Variants in BMP7 observed in about 807,000 individuals in gnomAD.
BMP7 encodes the protein bone morphogenetic protein 7.
Under a neutral mutation model 41.2 loss-of-function variants are expected in BMP7, and 12 were observed. The observed-to-expected ratio is 0.29, with a 90% confidence interval of 0.19 to 0.47. The LOEUF (loss-of-function observed/expected upper bound fraction) is 0.47, where lower values mean the gene tolerates loss of function less well. Among genes scored for constraint, BMP7 ranks in the 20% least tolerant of loss-of-function variants. The probability of loss-of-function intolerance (pLI) is 0.99; values close to 1 mark genes in which losing one functional copy is unlikely to be tolerated. For missense variants in BMP7, 467 were observed against 606.0 expected (o/e 0.77, Z 2.41); for synonymous variants, 248 against 250.0 (o/e 0.99, Z 0.07).
chr20:57,234,979 C>A (rs905821768), intron 1 of BMP7, among the ~76,000 whole-genome samples: 2 of 152,266 alleles, frequency 1.3e-5, no homozygotes, highest in Non-Finnish European at 1.5e-5. Context: ...TAGGGCAGGA[C>A]ACAAAACATT....
intron 1 of BMP7, among the ~76,000 whole-genome samples, chr20:57,253,536 TC>T (rs1379087167): frequency 1.3e-5 from 2 of 152,122 alleles, no homozygotes; most frequent in African/African-American, 4.8e-5. Flanking sequence ...ACTTGCTGAG[TC>T]CCTGTCGTGT....
Position 57,215,830 on chromosome 20 carries a change from A to C in BMP7, c.611+12399T>G, listed in dbSNP as rs436994. The C allele has an allele frequency of 0.98, 148,416 of 152,066 alleles. 72,437 individuals carry two copies. The highest frequency in any genetic ancestry group is 1 in the East Asian group (5,159 of 5,160). The allele number at this position is 152,066 out of a possible 1,614,324, so 9.4% of individuals were successfully genotyped here. A position where few individuals can be genotyped will look rare whatever the true frequency, so the allele number is the denominator to read the frequency against. ...TGAGGTAAATTCAGCCCCTTTCCTG[A>C]AGCACACTCAAGGAATAAACAAGCA... On this transcript the variant is annotated intron_variant, in intron 2 of 6. Coordinates refer to ENST00000395863, the MANE Select transcript of BMP7 (RefSeq NM_001719.3). The surrounding 1 kb of genome is among the most constrained non-coding windows in gnomAD (Gnocchi z 4.2).
At chr20:57,209,818 A>T (rs977542703) in intron 2 of BMP7, among the ~76,000 whole-genome samples, 1 of 152,184 alleles carries the variant, frequency 6.6e-6, no homozygotes, top group East Asian at 1.9e-4. Context: ...ACAAGCTAAC[A>T]CATGTACGTC....
In BMP7 at chr20:57,171,223, C is replaced by A; in HGVS notation, c.1147-115G>T. 6.9e-7 allele frequency: 1 copy of A among 1,455,598 alleles called. No individual in the cohort carries two copies. The allele number at this position is 1,455,598 out of a possible 1,614,324, so 90.2% of individuals were successfully genotyped here. On this transcript the variant is annotated intron_variant, in intron 6 of 6. Coordinates refer to ENST00000395863, the MANE Select transcript of BMP7 (RefSeq NM_001719.3). The surrounding 1 kb of genome is among the most constrained non-coding windows in gnomAD (Gnocchi z 4.5). ...GGGCATAATGAATGACTGCAGGTGACACTCCCCAAGCCAAGCACTCCCTGT... is the reference window on the plus strand; with the variant it reads ...GGGCATAATGAATGACTGCAGGTGAAACTCCCCAAGCCAAGCACTCCCTGT...
At chr20:57,179,454 G>A (rs1984020262) in intron 4 of BMP7, among the ~76,000 whole-genome samples, 1 of 152,258 alleles carries the variant, frequency 6.6e-6, no homozygotes, top group Non-Finnish European at 1.5e-5. Flanking sequence ...GTCCAAACGT[G>A]GGTGGGGAGA....
At chr20:57,206,180 A>T (rs1984726600) in intron 2 of BMP7, among the ~76,000 whole-genome samples, 1 of 152,162 alleles carries the variant, frequency 6.6e-6, no homozygotes, top group Non-Finnish European at 1.5e-5. Flanking sequence ...TACCTTGAAC[A>T]CACTGGCCTC....
intron 3 of BMP7, among the ~76,000 whole-genome samples, chr20:57,195,295 C>G (rs1600616481): frequency 6.6e-6 from 1 of 152,190 alleles, no homozygotes; most frequent in Non-Finnish European, 1.5e-5. Context: ...CTACAGGCTA[C>G]CCTTCCAAGA....
intron 4 of BMP7, among the ~76,000 whole-genome samples, chr20:57,178,581 A>G (rs998921698): frequency 1.3e-5 from 2 of 152,118 alleles, no homozygotes; most frequent in African/African-American, 4.8e-5. Context: ...GCTGGACTCT[A>G]CAGCCTGCCC....
chr20:57,197,146 C>T (rs1032879790), intron 3 of BMP7, among the ~76,000 whole-genome samples: 4 of 151,976 alleles, frequency 2.6e-5, no homozygotes, highest in African/African-American at 7.3e-5. Flanking sequence ...GTGATCTGCC[C>T]GCCTCAGTCT....
chr20:57,197,655 G>T lies in BMP7; in HGVS notation c.760+4820C>A, dbSNP rs567520651. On this transcript the variant is annotated intron_variant, in intron 3 of 6. Transcript: ENST00000395863. ...TGCTACCTGGGCAGGATTATTGAGA[G>T]AACTAAATAAATCAACAATTAGAAC... Among the ~76,000 whole-genome samples, 5 of 152,332 alleles carry T rather than the reference G, an allele frequency of 3.3e-5. No homozygotes were observed. In the South Asian group the frequency reaches 1.0e-3, roughly 32 times the overall value.
intron 1 of BMP7, among the ~76,000 whole-genome samples, chr20:57,242,431 G>A (rs1168279188): frequency 6.6e-6 from 1 of 152,160 alleles, no homozygotes; most frequent in Non-Finnish European, 1.5e-5. Context: ...ATAACCCCAG[G>A]CTCACTGGGC....
At position 57,228,324 on chromosome 20, in the gene BMP7, G is replaced by C; in HGVS notation, c.516C>G (p.Ala172=). ...TGTAGTCCTTGTAGATCCGGAATTC[G>C]GCTGCCGTGACAGCTTCCCCTTCTG... is the stretch of plus-strand genomic sequence containing the variant. ...KIPEGEAVTA[A]EFRIYKDYIR... Residue 172 remains alanine, a synonymous_variant, in exon 2 of 7, where the codon GCC becomes GCG. Transcript: ENST00000395863. This position sits in a 1 kb window ranked among gnomAD's most constrained non-coding sequence, Gnocchi z 4.5. 1 of 1,613,976 alleles carries C rather than the reference G, an allele frequency of 6.2e-7. No individual in the cohort carries two copies. The highest frequency in any genetic ancestry group is 8.5e-7 in the Non-Finnish European group (1 of 1,179,978).
At chr20:57,222,325 C>T (rs1431239357) in intron 2 of BMP7, among the ~76,000 whole-genome samples, 2 of 152,190 alleles carry the variant, frequency 1.3e-5, no homozygotes, top group Admixed American at 6.5e-5. Flanking sequence ...CACCAGATGG[C>T]CTCAGGCCAC....
intron 1 of BMP7, among the ~76,000 whole-genome samples, chr20:57,253,574 T>C (rs539897125): frequency 6.6e-6 from 1 of 152,246 alleles, no homozygotes; most frequent in African/African-American, 2.4e-5. Context: ...TGATTCGTTA[T>C]TGGCCTTCAG....
intron 1 of BMP7, among the ~76,000 whole-genome samples, chr20:57,263,839 C>T (rs572241368): frequency 6.6e-6 from 1 of 152,204 alleles, no homozygotes; most frequent in Non-Finnish European, 1.5e-5. Flanking sequence ...GAAGTGCAGA[C>T]GACGAAAAAT....
Position 57,191,695 on chromosome 20 carries a change from C to T in BMP7, c.761-7776G>A, listed in dbSNP as rs1001565646. ...CAGTGAGCCGGAGATCATGTCACGG[C>T]GCTCCAGCCTGGGTGACAGAGTGAG... is the stretch of plus-strand genomic sequence containing the variant. On this transcript the variant is annotated intron_variant, in intron 3 of 6. Transcript: ENST00000395863. 6.8e-5 allele frequency among the ~76,000 whole-genome samples: 10 copies of T among 148,142 alleles called. No homozygotes were observed. The East Asian group carries it at 7.8e-4, about 12-fold the overall frequency.
chr20:57,265,125 T>C (rs1467589238), intron 1 of BMP7, among the ~76,000 whole-genome samples: 2 of 152,108 alleles, frequency 1.3e-5, no homozygotes, highest in African/African-American at 4.8e-5. Context: ...TGGCACCGTT[T>C]CTTCCCCAGC....
chr20:57,184,394 G>A (rs938491319), intron 3 of BMP7, among the ~76,000 whole-genome samples: 1 of 152,274 alleles, frequency 6.6e-6, no homozygotes, highest in Admixed American at 6.5e-5. Flanking sequence ...GAGTGAGGGG[G>A]CCCAATGGAT....
At chr20:57,260,772 C>T (rs966414894) in intron 1 of BMP7, among the ~76,000 whole-genome samples, 2 of 152,246 alleles carry the variant, frequency 1.3e-5, no homozygotes, top group Admixed American at 1.3e-4. Context: ...TGTGCCCTAA[C>T]CCCGGTGACA....
Sources: gnomAD v4.1 joint callset for allele counts (sites outside exome capture counted in the v4.1 genomes callset) on GRCh38, gnomAD v4.1.1 for gene constraint, Gnocchi (gnomAD v3.1) non-coding constraint, MANE v1.5 for transcripts, NCBI Gene and HGNC (gene_info 2026-07-23, HGNC 2026-07-21) for gene names.